KIF13B: variants seen among roughly 807,000 people sequenced by gnomAD.
KIF13B encodes kinesin-like protein KIF13B.
Under a neutral mutation model 222.0 loss-of-function variants are expected in KIF13B, and 127 were observed. That is an observed-to-expected ratio of 0.57 (90% confidence interval 0.50 to 0.66). KIF13B has a LOEUF of 0.66. Among genes scored for constraint, KIF13B ranks in the 30% least tolerant of loss-of-function variants. The pLI is 0.00. For synonymous variants in KIF13B, 976 were observed against 919.0 expected (o/e 1.06, Z -1.12); for missense variants, 2,173 against 2,379.0 (o/e 0.91, Z 1.80).
intron 2 of KIF13B, among the ~76,000 whole-genome samples, chr8:29,207,752 A>G (rs1266842267): frequency 6.6e-6 from 1 of 152,208 alleles, no homozygotes; most frequent in Non-Finnish European, 1.5e-5. Flanking sequence ...TCTATAGAAG[A>G]GACCAGGTAT....
intron 23 of KIF13B, among the ~76,000 whole-genome samples, 176 bp from the exon 24 acceptor site, chr8:29,130,841 C>G (rs1810311416): frequency 6.6e-6 from 1 of 152,148 alleles, no homozygotes. Flanking sequence ...TAATGGAAAG[C>G]AAAGTTAAAC....
intron 1 of KIF13B, among the ~76,000 whole-genome samples, chr8:29,257,604 T>C (rs1816533037): frequency 6.6e-6 from 1 of 151,952 alleles, no homozygotes. Context: ...TGAAAAGAGG[T>C]CTGGCCAGCC....
chr8:29,241,253 A>C (rs1815765442), intron 2 of KIF13B, among the ~76,000 whole-genome samples: 1 of 152,236 alleles, frequency 6.6e-6, no homozygotes, highest in South Asian at 2.1e-4. Flanking sequence ...TCTCACATCT[A>C]CAGAGACAGA....
At chr8:29,252,414 AATTCTC>A (rs1240606275) in intron 1 of KIF13B, among the ~76,000 whole-genome samples, 1 of 151,924 alleles carries the variant, frequency 6.6e-6, no homozygotes, top group Non-Finnish European at 1.5e-5. Context: ...CTGCTTTTCT[AATTCTC>A]ATTTTCTAAT....
intron 37 of KIF13B, among the ~76,000 whole-genome samples, chr8:29,083,422 T>A (rs1163062751): frequency 6.6e-6 from 1 of 152,188 alleles, no homozygotes; most frequent in African/African-American, 2.4e-5. Flanking sequence ...GAGAATAAAA[T>A]GAACCCCATT....
intron 4 of KIF13B, chr8:29,190,764 C>A (rs1586904150): frequency 5.9e-6 from 3 of 509,832 alleles, no homozygotes; most frequent in Non-Finnish European, 1.1e-5. Context: ...AGGTAGAGAG[C>A]ATCGGAACTG....
Position 29,118,973 on chromosome 8 carries a change from C to A in KIF13B, c.3555G>T (p.Gln1185His). ...CAGCTTCTGGGTCATCAAGATTATC[C>A]TGAGAGCTGAAATCATCAGCTAAAA... ...LDLNADDFSS[Q>H]DNLDDPEAGG... Residue 1185 changes from glutamine (Q) to histidine (H), a missense_variant, in exon 30 of 40, where the codon CAG becomes CAT. By Grantham distance (24) the Gln-to-His change is conservative (BLOSUM62 0). Around this residue, in one of 2 missense-constraint regions of KIF13B, gnomAD observed 1,480 missense variants for 1,722.8 expected, o/e 0.86. Transcript: ENST00000524189. 1 of 1,613,650 alleles carries A rather than the reference C, an allele frequency of 6.2e-7. No individual in the cohort carries two copies. The highest frequency in any genetic ancestry group is 8.5e-7 in the Non-Finnish European group (1 of 1,179,768).
At chr8:29,091,532 G>C (rs1808300099) in intron 37 of KIF13B, among the ~76,000 whole-genome samples, 1 of 152,246 alleles carries the variant, frequency 6.6e-6, no homozygotes, top group Non-Finnish European at 1.5e-5. Flanking sequence ...CTCCAAGTTA[G>C]CTATGGGTTC....
chr8:29,243,444 G>C (rs1014661241), intron 2 of KIF13B, among the ~76,000 whole-genome samples: 1 of 151,906 alleles, frequency 6.6e-6, no homozygotes, highest in African/African-American at 2.4e-5. Context: ...ATCACTTGAG[G>C]TCAGGAGTTT....
intron 6 of KIF13B, among the ~76,000 whole-genome samples, chr8:29,182,550 G>GA (rs1812754504): frequency 6.7e-6 from 1 of 149,838 alleles, no homozygotes. Flanking sequence ...ATAAACGCAT[G>GA]AAAAAAGATT....
intron 13 of KIF13B, among the ~76,000 whole-genome samples, chr8:29,157,413 A>AT (rs1811583358): frequency 1.3e-5 from 2 of 151,394 alleles, no homozygotes; most frequent in Admixed American, 1.3e-4. Context: ...AAAAAAAAAA[A>AT]AAATTGTGGC....
intron 12 of KIF13B, 72 bp from the exon 13 acceptor site, chr8:29,160,939 C>T (rs1811750863): frequency 3.2e-6 from 4 of 1,257,554 alleles, no homozygotes; most frequent in African/African-American, 3.0e-5. Context: ...GTTTACATTA[C>T]AATGTTACAA....
intron 12 of KIF13B, among the ~76,000 whole-genome samples, chr8:29,164,394 A>G (rs1409280820): frequency 1.3e-5 from 2 of 152,222 alleles, no homozygotes; most frequent in Non-Finnish European, 2.9e-5. Flanking sequence ...AGGCAGAGAG[A>G]TGACTTTAAA....
intron 26 of KIF13B, among the ~76,000 whole-genome samples, chr8:29,124,408 C>G (rs572269136): frequency 1.3e-5 from 2 of 152,164 alleles, no homozygotes; most frequent in East Asian, 3.8e-4. Context: ...CAAAAATCTT[C>G]TAAAAGGTCT....
chr8:29,137,351 T>C (rs1810610783), intron 21 of KIF13B, among the ~76,000 whole-genome samples: 1 of 152,210 alleles, frequency 6.6e-6, no homozygotes. Context: ...AAAAAAGTTT[T>C]TGCACACAAA....
chr8:29,106,625 T>C, intron 35 of KIF13B, among the ~76,000 whole-genome samples: 1 of 91,680 alleles, frequency 1.1e-5, no homozygotes, highest in Non-Finnish European at 2.0e-5. Context: ...AGAGCGAAAC[T>C]CTGTCTCAAA....
rs552065271 is a variant in KIF13B at position 29,101,420 on chromosome 8, G to C, written c.4216-2179C>G. Reference sequence around the variant, plus strand: ...TGTCCCTCAGGAAAACTAAGCCGCTGATCTGGAGTCGGCACCTGGGCTGCT... The same window carrying C: ...TGTCCCTCAGGAAAACTAAGCCGCTCATCTGGAGTCGGCACCTGGGCTGCT... On this transcript the variant is annotated intron_variant, in intron 35 of 39. Coordinates refer to ENST00000524189, the MANE Select transcript of KIF13B (RefSeq NM_015254.4). Among the ~76,000 whole-genome samples the C allele has an allele frequency of 3.9e-5, 6 of 152,300 alleles. No homozygotes were observed. In the East Asian group the frequency reaches 1.2e-3, roughly 29 times the overall value.
chr8:29,075,421 G>A (rs1807511414), intron 37 of KIF13B, 78 bp from the exon 38 acceptor site: 2 of 1,341,440 alleles, frequency 1.5e-6, no homozygotes, highest in South Asian at 1.4e-5. Context: ...GCACAGGCTG[G>A]AGGGCCAGGA....
At chr8:29,129,615 G>A (rs1386930936) in intron 24 of KIF13B, among the ~76,000 whole-genome samples, 1 of 151,536 alleles carries the variant, frequency 6.6e-6, no homozygotes, top group African/African-American at 2.4e-5. Context: ...ATAGAATATG[G>A]CAGTCTCCTA....
Sources: allele counts gnomAD v4.1 joint callset (sites outside exome capture counted in the v4.1 genomes callset), GRCh38; gene constraint gnomAD v4.1.1; regional missense constraint gnomAD v4.1.1; transcripts MANE v1.5; gene names NCBI Gene and HGNC (gene_info 2026-07-23, HGNC 2026-07-21).